Variants in ZFYVE26 observed in about 807,000 individuals in gnomAD.
ZFYVE26 encodes the protein zinc finger FYVE-type containing 26.
Under a neutral mutation model 276.5 loss-of-function variants are expected in ZFYVE26, and 181 were observed. The ratio of observed to expected loss-of-function variants is 0.65; its 90% CI spans 0.58 to 0.74. The LOEUF is 0.74. ZFYVE26 is among the 30% of genes least tolerant of loss of function. ZFYVE26 has a pLI of 0.00. For missense variants in ZFYVE26, 2,821 were observed against 3,097.9 expected (o/e 0.91, Z 2.12); for synonymous variants, 1,129 against 1,203.1 (o/e 0.94, Z 1.27).
At chr14:67,765,602 A>G (rs999761651) in intron 32 of ZFYVE26, among the ~76,000 whole-genome samples, 1 of 152,176 alleles carries the variant, frequency 6.6e-6, no homozygotes, top group Admixed American at 6.5e-5. Context: ...CACACATTTG[A>G]GTGGATAAGC....
intron 19 of ZFYVE26, among the ~76,000 whole-genome samples, 159 bp from the exon 20 acceptor site, chr14:67,784,595 C>G (rs1414244837): frequency 6.6e-6 from 1 of 152,184 alleles, no homozygotes; most frequent in East Asian, 1.9e-4. Context: ...TCAACATGAA[C>G]CTGACCACAA....
At chr14:67,735,960 C>A (rs1001991557) in intron 13 of ZFYVE26, among the ~76,000 whole-genome samples, 1 of 152,212 alleles carries the variant, frequency 6.6e-6, no homozygotes, top group Non-Finnish European at 1.5e-5. Context: ...AACTCAACTT[C>A]GTATACAATG....
intron 12 of ZFYVE26, chr14:67,796,452 T>C (rs1024531395): frequency 2.6e-5 from 4 of 151,946 alleles, no homozygotes; most frequent in Non-Finnish European, 5.9e-5. Flanking sequence ...GTGATCCATC[T>C]GCCTCAGCCT....
At chr14:67,756,249 C>T (rs926991265) in intron 35 of ZFYVE26, 104 bp from the exon 36 acceptor site, 1 of 1,135,758 alleles carries the variant, frequency 8.8e-7, no homozygotes, top group African/African-American at 1.5e-5. Context: ...CAGCATCCTC[C>T]CAATGCAGTG....
chr14:67,750,919 C>A, intron 41 of ZFYVE26, 133 bp downstream of exon 41: 1 of 1,174,146 alleles, frequency 8.5e-7, no homozygotes, highest in South Asian at 1.2e-5. Context: ...AGCCTCAGCT[C>A]CACCTCTGAT....
At chr14:67,735,988 C>T (rs906812348) in intron 13 of ZFYVE26, among the ~76,000 whole-genome samples, 1 of 152,208 alleles carries the variant, frequency 6.6e-6, no homozygotes, top group African/African-American at 2.4e-5. Flanking sequence ...GCGTCCCAAG[C>T]TCAGGAGGAT....
At chr14:67,788,479 A>G (rs1276347283) in intron 16 of ZFYVE26, among the ~76,000 whole-genome samples, 1 of 152,202 alleles carries the variant, frequency 6.6e-6, no homozygotes, top group Non-Finnish European at 1.5e-5. Flanking sequence ...CTGCTGGCAC[A>G]ACTCATTGCT....
intron 21 of ZFYVE26, 127 bp from the exon 22 acceptor site, chr14:67,781,656 T>TCACATCCATCTTAA: frequency 7.1e-6 from 6 of 849,552 alleles, no homozygotes; most frequent in Non-Finnish European, 1.1e-5. Flanking sequence ...ATCCTTAAGA[T>TCACATCCATCTTAA]GGATGTGATC....
chr14:67,761,082 A>G, intron 35 of ZFYVE26: 1 of 621,308 alleles, frequency 1.6e-6, no homozygotes, highest in South Asian at 1.9e-5. Flanking sequence ...CATTCCAGAG[A>G]CATGCTCTTA....
chr14:67,731,527 T>G (rs1292343552), intron 13 of ZFYVE26, among the ~76,000 whole-genome samples: 1 of 152,006 alleles, frequency 6.6e-6, no homozygotes, highest in Non-Finnish European at 1.5e-5. Flanking sequence ...CCCATCATAT[T>G]TCTATTGGAC....
chr14:67,809,166 A>G, intron 4 of ZFYVE26, 34 bp downstream of exon 4: 1 of 1,572,320 alleles, frequency 6.4e-7, no homozygotes, highest in Non-Finnish European at 8.8e-7. Flanking sequence ...GTGACTGTCA[A>G]CCCTGGGCAG....
chr14:67,752,677 C>A (rs1242063876), intron 39 of ZFYVE26, 151 bp from the exon 40 acceptor site: 8 of 897,096 alleles, frequency 8.9e-6, no homozygotes, highest in Non-Finnish European at 1.4e-5. Flanking sequence ...AAACAAAAAG[C>A]AAGCGTCAAT....
At chr14:67,801,542 A>C (rs1349163675) in intron 10 of ZFYVE26, among the ~76,000 whole-genome samples, 1 of 152,226 alleles carries the variant, frequency 6.6e-6, no homozygotes, top group East Asian at 1.9e-4. Context: ...ATCACTAGTC[A>C]GTCACAGAAG....
chr14:67,777,417 G>A, intron 25 of ZFYVE26, 142 bp downstream of exon 25: 1 of 1,342,980 alleles, frequency 7.4e-7, no homozygotes, highest in South Asian at 1.2e-5. Flanking sequence ...GCAGGTGCCT[G>A]GCAAAAGAGC....
In ZFYVE26 at chr14:67,777,654, A is replaced by G. The variant is rs1342117622; in HGVS notation, c.4879T>C (p.Ser1627Pro). ...SLDQHTSLATSHFLANYLTTH... is the reference protein window; with the variant it reads ...SLDQHTSLATPHFLANYLTTH... ...GTGAGGTAGTTGGCCAAGAAGTGAG[A>G]AGTGGCCAAGCTAGTGTGCTGGTCG... Residue 1627 changes from serine to proline, a missense_variant, in exon 25 of 42, where the codon TCT becomes CCT. Transcript: ENST00000347230. 6.2e-7 allele frequency: 1 copy of G among 1,614,054 alleles called. No individual in the cohort carries two copies. The highest frequency in any genetic ancestry group is 1.7e-5 in the Admixed American group (1 of 59,992).
intron 10 of ZFYVE26, chr14:67,799,050 G>T (rs2040025810): frequency 3.4e-6 from 4 of 1,185,086 alleles, no homozygotes; most frequent in Non-Finnish European, 5.1e-6. Flanking sequence ...AAAGAACAGA[G>T]AGCAGTGTAC....
At chr14:67,810,681 C>A (rs945235873) in intron 3 of ZFYVE26, among the ~76,000 whole-genome samples, 1 of 152,184 alleles carries the variant, frequency 6.6e-6, no homozygotes, top group Non-Finnish European at 1.5e-5. Context: ...AACTTACCTT[C>A]ACCTGGTCCC....
At chr14:67,730,313 A>G (rs1455004852) in intron 13 of ZFYVE26, among the ~76,000 whole-genome samples, 1 of 152,184 alleles carries the variant, frequency 6.6e-6, no homozygotes, top group East Asian at 1.9e-4. Flanking sequence ...CACTAGCCAC[A>G]TGTTGCTATT....
chr14:67,729,323 C>T lies in ZFYVE26; in HGVS notation n.3176G>A, dbSNP rs1263794372. 1.3e-6 allele frequency: 2 copies of T among 1,599,900 alleles called. No individual in the cohort carries two copies. Among genetic ancestry groups the T allele is most frequent in the South Asian group, 1.1e-5 (1 of 90,990 alleles). ...AAGACGGCACGGGAGGGGGCGCAGA[C>T]CAGCCTGCACTGCGCCCTGGCTGAG... On this transcript the variant is annotated non_coding_transcript_exon_variant, in exon 14 of 15. Transcript: ENST00000394455.
Sources: allele counts gnomAD v4.1 joint callset (sites outside exome capture counted in the v4.1 genomes callset), GRCh38; gene constraint gnomAD v4.1.1; transcripts MANE v1.5; gene names NCBI Gene and HGNC (gene_info 2026-07-23, HGNC 2026-07-21).